Variants in GLB1L2 observed in about 807,000 individuals in gnomAD.
GLB1L2 encodes the protein beta-galactosidase-1-like protein 2.
GLB1L2 carries 68 observed loss-of-function variants against 84.1 expected under a neutral mutation model. The ratio of observed to expected loss-of-function variants is 0.81; its 90% CI spans 0.67 to 0.99. GLB1L2 has a LOEUF of 0.99. Among genes scored for constraint, GLB1L2 ranks in the 50% least tolerant of loss-of-function variants. The pLI, the probability that GLB1L2 is intolerant of heterozygous loss-of-function variation, is 0.00. For synonymous variants in GLB1L2, 290 were observed against 318.0 expected (o/e 0.91, Z 0.94); for missense variants, 762 against 805.6 (o/e 0.95, Z 0.66).
chr11:134,359,208 T>G, intron 7 of GLB1L2, 67 bp downstream of exon 7: 1 of 1,115,170 alleles, frequency 9.0e-7, no homozygotes, highest in Non-Finnish European at 1.3e-6. Context: ...ACGCTCCCGC[T>G]GTGGGACTGC....
At chr11:134,335,649 G>C (rs1279559004) in intron 1 of GLB1L2, among the ~76,000 whole-genome samples, 1 of 152,160 alleles carries the variant, frequency 6.6e-6, no homozygotes, top group Non-Finnish European at 1.5e-5. Flanking sequence ...GGGCTACCAA[G>C]AAGATTGGAG....
chr11:134,361,075 C>T (rs148146726), intron 7 of GLB1L2: 5,505 of 151,974 alleles, frequency 0.036, 140 homozygotes, highest in Non-Finnish European at 0.053. Flanking sequence ...TCCGTGAACC[C>T]GGGTGGCGGA....
At chr11:134,336,017 A>G (rs549154574) in intron 1 of GLB1L2, among the ~76,000 whole-genome samples, 1 of 152,308 alleles carries the variant, frequency 6.6e-6, no homozygotes, top group East Asian at 1.9e-4. Flanking sequence ...TGGATATTAA[A>G]GACCGTATTG....
chr11:134,375,147 G>A lies in GLB1L2; in HGVS notation c.*89G>A. 6 of 986,822 alleles carry A rather than the reference G, an allele frequency of 6.1e-6. No individual in the cohort carries two copies. Among genetic ancestry groups the A allele is most frequent in the East Asian group, 2.6e-5 (1 of 38,674 alleles). 61.1% of individuals were successfully genotyped at this position (986,822 alleles called of 1,614,324 possible). Reference sequence around the variant, plus strand: ...GGTGGCTGCTGCCCCACCCCTCACTGCAAAAGCATCTCCTTAAGTAGCAAC... The same window carrying A: ...GGTGGCTGCTGCCCCACCCCTCACTACAAAAGCATCTCCTTAAGTAGCAAC... On this transcript the variant is annotated 3_prime_UTR_variant, in exon 19 of 19. Coordinates refer to ENST00000535456, the MANE Select transcript of GLB1L2 (RefSeq NM_001370461.1).
intron 1 of GLB1L2, among the ~76,000 whole-genome samples, chr11:134,340,484 G>A (rs1299607861): frequency 6.6e-6 from 1 of 152,234 alleles, no homozygotes; most frequent in African/African-American, 2.4e-5. Flanking sequence ...GGCAGGGAGG[G>A]CTGAGCAGGT....
At chr11:134,373,081 C>T (rs1023843703) in intron 15 of GLB1L2, among the ~76,000 whole-genome samples, 1 of 152,186 alleles carries the variant, frequency 6.6e-6, no homozygotes, top group Non-Finnish European at 1.5e-5. Context: ...CACATAGACC[C>T]GCACCTGCCA....
At chr11:134,371,294 A>G in intron 13 of GLB1L2, 127 bp from the exon 14 acceptor site, 4 of 1,230,718 alleles carry the variant, frequency 3.3e-6, no homozygotes, top group Non-Finnish European at 4.8e-6. Context: ...GGGGGCATTC[A>G]TGTCTGCTCT....
chr11:134,359,286 CT>C, intron 7 of GLB1L2, 145 bp downstream of exon 7: 3 of 570,418 alleles, frequency 5.3e-6, no homozygotes, highest in Non-Finnish European at 9.2e-6. Flanking sequence ...TGCAGACACC[CT>C]TGGGTTCCAT....
intron 1 of GLB1L2, among the ~76,000 whole-genome samples, chr11:134,340,650 C>T (rs11223761): frequency 0.32 from 49,298 of 152,182 alleles, 8,411 homozygotes; most frequent in Non-Finnish European, 0.38. Context: ...AGGGCTTCAT[C>T]TGCAAGGATG....
At chr11:134,361,291 A>G (rs1943784658) in intron 7 of GLB1L2, 1 of 152,180 alleles carries the variant, frequency 6.6e-6, no homozygotes, top group African/African-American at 2.4e-5. Context: ...GTACCCCTGC[A>G]CTCTAGCCTG....
At chr11:134,373,535 G>A (rs1368426190) in intron 15 of GLB1L2, among the ~76,000 whole-genome samples, 186 bp from the exon 16 acceptor site, 1 of 152,162 alleles carries the variant, frequency 6.6e-6, no homozygotes, top group African/African-American at 2.4e-5. Context: ...TTGCTAGGGA[G>A]CTTTGCTTGC....
rs1359374715 is a variant in GLB1L2, at chr11:134,364,477, A to G, written c.804+79A>G. 72 of 1,134,984 alleles carry G rather than the reference A, an allele frequency of 6.3e-5. No individual in the cohort carries two copies. In the East Asian group the frequency reaches 1.7e-3, roughly 26 times the overall value. The allele number at this position is 1,134,984 out of a possible 1,614,324, so 70.3% of individuals were successfully genotyped here. On this transcript the variant is annotated intron_variant, in intron 8 of 18. Transcript: ENST00000535456. Reference sequence around the variant, plus strand: ...ATTCTGAATGCCTGTCAGCGTGCTCAGCTTCCCCAGCGCAGGGAGCTGGAC... The same window carrying G: ...ATTCTGAATGCCTGTCAGCGTGCTCGGCTTCCCCAGCGCAGGGAGCTGGAC...
intron 8 of GLB1L2, chr11:134,367,013 G>A: frequency 1.8e-6 from 1 of 549,904 alleles, no homozygotes; most frequent in Non-Finnish European, 3.3e-6. Flanking sequence ...ATCAGGGTTT[G>A]CCATATCGAC....
At chr11:134,344,662 C>T (rs1251752369) in intron 3 of GLB1L2, among the ~76,000 whole-genome samples, 3 of 152,292 alleles carry the variant, frequency 2.0e-5, no homozygotes, top group Admixed American at 1.3e-4. Flanking sequence ...CTCCGGGCCC[C>T]ACCTCTCCAC....
chr11:134,345,279 C>T (rs1943538391), intron 4 of GLB1L2, 150 bp downstream of exon 4: 6 of 1,005,228 alleles, frequency 6.0e-6, no homozygotes, highest in East Asian at 5.8e-5. Flanking sequence ...AAAAGCAGCA[C>T]CCAGAGGGGA....
At chr11:134,341,383 C>T (rs890502581) in intron 1 of GLB1L2, among the ~76,000 whole-genome samples, 2 of 66,362 alleles carry the variant, frequency 3.0e-5, no homozygotes, top group Non-Finnish European at 7.8e-5. Flanking sequence ...TAACCCAAGG[C>T]GACAGTTCTA....
In GLB1L2 at chr11:134,368,633, T is replaced by C; in HGVS notation, c.890-11T>C. 6.2e-7 allele frequency: 1 copy of C among 1,613,320 alleles called. No individual in the cohort carries two copies. On this transcript the variant is annotated splice_polypyrimidine_tract_variant and intron_variant, in intron 9 of 18. Transcript: ENST00000535456. ...TCACTCTGCACATCCCCTTTCTCCC[T>C]CCTCCGGCAGAGGTTTTGAAAACCG...
chr11:134,339,014 T>C lies in GLB1L2; in HGVS notation c.87-3740T>C, dbSNP rs10894799. ...TTTGGATAAATGAAGCCGAGATACA[T>C]AGGCAACAGGAATCCTAGCAGAAAG... On this transcript the variant is annotated intron_variant, in intron 1 of 18. Transcript: ENST00000535456. This position sits in a 1 kb window ranked among gnomAD's most constrained non-coding sequence, Gnocchi z 5.7. Among the ~76,000 whole-genome samples, 53,489 of 152,044 alleles carry C rather than the reference T, an allele frequency of 0.35. 9,635 individuals are homozygous for C. The highest frequency in any genetic ancestry group is 0.38 in the Non-Finnish European group (26,116 of 67,968).
chr11:134,333,926 G>A (rs1272005363), intron 1 of GLB1L2, among the ~76,000 whole-genome samples: 1 of 152,166 alleles, frequency 6.6e-6, no homozygotes, highest in African/African-American at 2.4e-5. Context: ...CCAAGTTCAG[G>A]GCCGTGTCTT....
Sources: gnomAD v4.1 joint callset for allele counts (sites outside exome capture counted in the v4.1 genomes callset) on GRCh38, gnomAD v4.1.1 for gene constraint, Gnocchi (gnomAD v3.1) non-coding constraint, MANE v1.5 for transcripts, NCBI Gene and HGNC (gene_info 2026-07-23, HGNC 2026-07-21) for gene names.